Variants in RELN observed in about 807,000 individuals in gnomAD.
RELN encodes reelin.
Under a neutral mutation model 427.6 loss-of-function variants are expected in RELN, and 108 were observed. The ratio of observed to expected loss-of-function variants is 0.25; its 90% confidence interval spans 0.22 to 0.30. The LOEUF (loss-of-function observed/expected upper bound fraction) is 0.30, where lower values mean the gene tolerates loss of function less well. Among genes scored for constraint, RELN ranks in the 10% least tolerant of loss-of-function variants. The pLI is 1.00. For synonymous variants in RELN, 1,524 were observed against 1,513.4 expected, an observed-to-expected ratio of 1.01 and a Z score of -0.16; for missense variants, 3,715 against 4,302.8, an observed-to-expected ratio of 0.86 and a Z score of 3.82.
At chr7:103,679,821 T>C (rs970591397) in intron 11 of RELN, among the ~76,000 whole-genome samples, 2 of 152,212 alleles carry the variant, frequency 1.3e-5, no homozygotes, top group African/African-American at 2.4e-5. Context: ...TTGCCAGCTA[T>C]GTTTCTGGAC....
chr7:103,627,894 G>A (rs1254180993), intron 20 of RELN: 2 of 152,186 alleles, frequency 1.3e-5, no homozygotes, highest in African/African-American at 4.8e-5. Context: ...TTTGATCAAA[G>A]CACAGAAATT....
chr7:103,728,297 T>C lies in RELN; in HGVS notation c.657-90A>G. 3.2e-6 allele frequency: 4 copies of C among 1,235,592 alleles called. No homozygotes were observed. In the South Asian group the frequency reaches 4.9e-5, roughly 15 times the overall value. The allele number at this position is 1,235,592 out of a possible 1,614,324, so 76.5% of individuals were successfully genotyped here. ...GTAAGAAACGATATAATATTTATTG[T>C]TACTCAGCTCAAATCACCATTTTGA... is the stretch of plus-strand genomic sequence containing the variant. On this transcript the variant is annotated intron_variant, in intron 6 of 64. Transcript: ENST00000428762.
chr7:103,892,790 A>G (rs1159832582), intron 2 of RELN, among the ~76,000 whole-genome samples: 1 of 152,202 alleles, frequency 6.6e-6, no homozygotes, highest in East Asian at 1.9e-4. Flanking sequence ...GTAGAGACTC[A>G]TACTATCACT....
At position 103,611,632 on chromosome 7, in the gene RELN, A is replaced by T; in HGVS notation, c.2874T>A (p.Leu958=). The change falls in exon 21 of 65, where the codon CTT becomes CTA. Residue 958 remains leucine, a synonymous_variant. Transcript: ENST00000428762. Reference sequence around the variant, plus strand: ...TTACTTCTTGGACGAGGTGCCAGGTAAGGCCGTGGTTGGTTGAGTACTCCA... The same window carrying T: ...TTACTTCTTGGACGAGGTGCCAGGTTAGGCCGTGGTTGGTTGAGTACTCCA... ...VKLEYSTNHG[L]TWHLVQEECL... 1 of 1,613,580 alleles carries T rather than the reference A, an allele frequency of 6.2e-7. No individual in the cohort carries two copies. The highest frequency in any genetic ancestry group is 8.5e-7 in the Non-Finnish European group (1 of 1,179,834).
chr7:103,820,887 GACAC>G (rs1307739239), intron 3 of RELN, among the ~76,000 whole-genome samples: 1 of 151,730 alleles, frequency 6.6e-6, no homozygotes, highest in Non-Finnish European at 1.5e-5. Flanking sequence ...CATGCACACA[GACAC>G]ACACGTTTAA....
chr7:103,830,150 CAACAA>C (rs1471400204), intron 3 of RELN, among the ~76,000 whole-genome samples: 1 of 127,328 alleles, frequency 7.9e-6, no homozygotes, highest in African/African-American at 2.5e-5. Flanking sequence ...TAAAAAATAT[CAACAA>C]AACTGTAACT....
intron 2 of RELN, among the ~76,000 whole-genome samples, chr7:103,902,112 A>G (rs1013506019): frequency 6.6e-5 from 10 of 152,020 alleles, no homozygotes; most frequent in Non-Finnish European, 1.0e-4. Context: ...TTGCTGAAAA[A>G]GGGATAATAA....
chr7:103,621,776 G>C (rs1832223137), intron 20 of RELN, among the ~76,000 whole-genome samples: 1 of 152,174 alleles, frequency 6.6e-6, no homozygotes, highest in African/African-American at 2.4e-5. Flanking sequence ...AGCACTTTGG[G>C]AGGCAGAGGC....
At chr7:103,664,321 C>T (rs1833210461) in intron 11 of RELN, among the ~76,000 whole-genome samples, 1 of 152,184 alleles carries the variant, frequency 6.6e-6, no homozygotes, top group South Asian at 2.1e-4. Flanking sequence ...CCCCATCAGC[C>T]TTTCTTAACT....
chr7:103,735,501 G>C (rs1224408085), intron 6 of RELN, among the ~76,000 whole-genome samples: 2 of 152,138 alleles, frequency 1.3e-5, no homozygotes, highest in Non-Finnish European at 2.9e-5. Context: ...CAGGATGCAG[G>C]AAAGAGGAGG....
chr7:103,516,096 C>T (rs1475302215), intron 49 of RELN, among the ~76,000 whole-genome samples: 1 of 152,110 alleles, frequency 6.6e-6, no homozygotes, highest in Non-Finnish European at 1.5e-5. Context: ...CAGGGACAGA[C>T]ATGGAAAAAT....
intron 45 of RELN, 130 bp downstream of exon 45, chr7:103,538,948 G>C (rs897246866): frequency 2.0e-6 from 2 of 981,910 alleles, no homozygotes; most frequent in Admixed American, 3.9e-5. Flanking sequence ...AGTACAGTGT[G>C]GTTTGACTCA....
chr7:103,716,549 C>A (rs372190178), intron 8 of RELN, among the ~76,000 whole-genome samples: 4 of 152,288 alleles, frequency 2.6e-5, no homozygotes, highest in East Asian at 1.9e-4. Flanking sequence ...CCATGGATTT[C>A]ATTTAGCATA....
chr7:103,686,472 AGAGAG>A (rs1436937438), intron 10 of RELN, among the ~76,000 whole-genome samples: 2 of 152,140 alleles, frequency 1.3e-5, no homozygotes, highest in African/African-American at 4.8e-5. Flanking sequence ...ATTGCTCCTT[AGAGAG>A]GAGAGGTTTT....
intron 5 of RELN, among the ~76,000 whole-genome samples, 184 bp downstream of exon 5, chr7:103,752,998 T>A (rs1343460938): frequency 6.6e-6 from 1 of 152,186 alleles, no homozygotes; most frequent in African/African-American, 2.4e-5. Context: ...CTGGGCAGCA[T>A]GAATGTTTCC....
intron 2 of RELN, among the ~76,000 whole-genome samples, chr7:103,914,452 G>A (rs1795438432): frequency 6.6e-6 from 1 of 151,910 alleles, no homozygotes; most frequent in Admixed American, 6.6e-5. Context: ...TTTCAGAACT[G>A]GTTTTTTCTT....
At chr7:103,674,244 T>C (rs1833460495) in intron 11 of RELN, among the ~76,000 whole-genome samples, 2 of 152,228 alleles carry the variant, frequency 1.3e-5, no homozygotes, top group South Asian at 2.1e-4. Flanking sequence ...TCTAATTGTT[T>C]CTTCCTCATA....
chr7:103,850,135 C>T (rs1352530165), intron 2 of RELN, among the ~76,000 whole-genome samples: 3 of 152,110 alleles, frequency 2.0e-5, no homozygotes, highest in Non-Finnish European at 4.4e-5. Flanking sequence ...CAAAATATAT[C>T]ATAGGTTCAT....
intron 2 of RELN, among the ~76,000 whole-genome samples, chr7:103,884,358 G>A (rs980343128): frequency 6.6e-6 from 1 of 152,162 alleles, no homozygotes; most frequent in Non-Finnish European, 1.5e-5. Flanking sequence ...ATACCATTCA[G>A]GACATAGGTA....
Sources: gnomAD v4.1 joint callset for allele counts (sites outside exome capture counted in the v4.1 genomes callset) on GRCh38, gnomAD v4.1.1 for gene constraint, MANE v1.5 for transcripts, NCBI Gene and HGNC (gene_info 2026-07-23, HGNC 2026-07-21) for gene names.